Variants in LHX8 observed in about 807,000 individuals in gnomAD.
LHX8 encodes LIM/homeobox protein Lhx8.
A neutral mutation model predicts 40.3 loss-of-function variants in LHX8; 12 were observed. The ratio of observed to expected loss-of-function variants is 0.30; its 90% CI spans 0.19 to 0.48. The LOEUF is 0.48. LHX8 is among the 20% of genes least tolerant of loss of function. The probability of loss-of-function intolerance (pLI) is 0.99; values close to 1 mark genes in which losing one functional copy is unlikely to be tolerated. For missense variants in LHX8, 344 were observed against 433.7 expected (o/e 0.79, Z 1.84); for synonymous variants, 179 against 162.0 (o/e 1.10, Z -0.80).
intron 7 of LHX8, among the ~76,000 whole-genome samples, chr1:75,150,851 A>G (rs1648588351): frequency 6.6e-6 from 1 of 151,620 alleles, no homozygotes; most frequent in East Asian, 1.9e-4. Context: ...TAATTTTTGT[A>G]TTTTTAGTAG....
At chr1:75,153,486 C>T (rs1246483410) in intron 7 of LHX8, among the ~76,000 whole-genome samples, 2 of 149,316 alleles carry the variant, frequency 1.3e-5, no homozygotes, top group Non-Finnish European at 3.0e-5. Context: ...AGTCTCAGCT[C>T]ACTGCAACCT....
downstream of LHX8, among the ~76,000 whole-genome samples, chr1:75,165,342 T>G (rs1198006043): frequency 6.6e-6 from 1 of 152,172 alleles, no homozygotes; most frequent in Non-Finnish European, 1.5e-5. Context: ...CCAGATTATT[T>G]TTATAAATGT....
At chr1:75,141,285 T>C (rs1217183336) in intron 4 of LHX8, among the ~76,000 whole-genome samples, 179 bp downstream of exon 4, 1 of 152,190 alleles carries the variant, frequency 6.6e-6, no homozygotes, top group Non-Finnish European at 1.5e-5. Flanking sequence ...TAAGCATGTT[T>C]ATCCTTTTTG....
chr1:75,145,301 A>G (rs1391915556), intron 6 of LHX8, among the ~76,000 whole-genome samples: 2 of 152,140 alleles, frequency 1.3e-5, no homozygotes, highest in Non-Finnish European at 2.9e-5. Context: ...TAGTTAAAAT[A>G]GAATCTCTAA....
At chr1:75,164,747 AG>A (rs2100372049), downstream of LHX8, among the ~76,000 whole-genome samples, 1 of 139,080 alleles carries the variant, frequency 7.2e-6, no homozygotes, top group Non-Finnish European at 1.5e-5. Context: ...TTTTTTTTCC[AG>A]GCAGAGCCTC....
intron 7 of LHX8, among the ~76,000 whole-genome samples, chr1:75,156,083 A>T (rs2100360052): frequency 6.7e-6 from 1 of 149,712 alleles, no homozygotes; most frequent in Admixed American, 6.7e-5. Context: ...AACCAAGGAG[A>T]TTTCTCTGGA....
chr1:75,175,127 C>A, the LHX8 span, among the ~76,000 whole-genome samples: 4 of 152,206 alleles, frequency 2.6e-5, no homozygotes, highest in African/African-American at 7.2e-5. Context: ...CAGGTTGCAG[C>A]AAATGTCATT....
upstream of LHX8, among the ~76,000 whole-genome samples, chr1:75,129,615 A>G (rs940635592): frequency 6.6e-6 from 1 of 152,304 alleles, no homozygotes; most frequent in Non-Finnish European, 1.5e-5. Context: ...AAGCCTGTGA[A>G]TAGGAGGCTC....
At chr1:75,161,690 A>G (rs1021588578), downstream of LHX8, among the ~76,000 whole-genome samples, 1 of 152,104 alleles carries the variant, frequency 6.6e-6, no homozygotes, top group African/African-American at 2.4e-5. Flanking sequence ...AACACAGTAA[A>G]ACATTTAATT....
At chr1:75,183,793 A>C in the LHX8 span, among the ~76,000 whole-genome samples, 1 of 152,246 alleles carries the variant, frequency 6.6e-6, no homozygotes, top group East Asian at 1.9e-4. Context: ...CTTTGAATAT[A>C]AATGGGCTAA....
the LHX8 span, among the ~76,000 whole-genome samples, chr1:75,173,629 G>A: frequency 5.9e-5 from 9 of 151,932 alleles, no homozygotes; most frequent in African/African-American, 1.7e-4. Flanking sequence ...TGATCTGCCC[G>A]CCTCGGCCTC....
chr1:75,195,072 A>G, the LHX8 span, among the ~76,000 whole-genome samples: 1 of 152,220 alleles, frequency 6.6e-6, no homozygotes, highest in Admixed American at 6.5e-5. Context: ...TGGGAGAAAG[A>G]AAACTACATA....
the LHX8 span, among the ~76,000 whole-genome samples, chr1:75,169,005 C>G: frequency 9.2e-5 from 14 of 152,270 alleles, no homozygotes; most frequent in East Asian, 2.5e-3. Flanking sequence ...GTGTTTAAAA[C>G]CTAAATTAGA....
chr1:75,169,661 C>G, the LHX8 span, among the ~76,000 whole-genome samples: 1 of 152,200 alleles, frequency 6.6e-6, no homozygotes, highest in Non-Finnish European at 1.5e-5. Context: ...AATATTTAAA[C>G]TATCACTGAG....
At chr1:75,169,684 ACTGTTGATTTCC>A in the LHX8 span, among the ~76,000 whole-genome samples, 1 of 152,128 alleles carries the variant, frequency 6.6e-6, no homozygotes, top group African/African-American at 2.4e-5. Context: ...ATCCCAATGA[ACTGTTGATTTCC>A]CCTGCATACT....
At chr1:75,128,897 C>G (rs1288510159) in intron 1 of LHX8, among the ~76,000 whole-genome samples, 1 of 152,170 alleles carries the variant, frequency 6.6e-6, no homozygotes, top group African/African-American at 2.4e-5. Context: ...CTCTGCAGCC[C>G]AGGGAGGTGC....
the LHX8 span, among the ~76,000 whole-genome samples, chr1:75,179,624 G>A: frequency 6.7e-6 from 1 of 149,938 alleles, no homozygotes; most frequent in Non-Finnish European, 1.5e-5. Context: ...CACTCTTGAT[G>A]GGTCTTAACT....
chr1:75,147,192 T>C (rs1242579008), intron 6 of LHX8, among the ~76,000 whole-genome samples: 1 of 152,208 alleles, frequency 6.6e-6, no homozygotes, highest in East Asian at 1.9e-4. Flanking sequence ...AGTGAGTCTG[T>C]AGATACAATA....
chr1:75,153,243 C>T lies in LHX8; in HGVS notation c.781-3650C>T, dbSNP rs752660504. On this transcript the variant is annotated intron_variant, in intron 7 of 8. Coordinates refer to ENST00000356261, the MANE Select transcript of LHX8 (RefSeq NM_001256114.2). Reference sequence around the variant, plus strand: ...GCATCAGCCTTCTGAGTAGCTGGGACTACAGGTGCGTGATACCACACGCAG... The same window carrying T: ...GCATCAGCCTTCTGAGTAGCTGGGATTACAGGTGCGTGATACCACACGCAG... Among the ~76,000 whole-genome samples the T allele has an allele frequency of 8.7e-4, 133 of 152,022 alleles. 2 individuals are homozygous for T. The highest frequency in any genetic ancestry group is 3.4e-4 in the Non-Finnish European group (23 of 67,988).
Sources: gnomAD v4.1 joint callset for allele counts (sites outside exome capture counted in the v4.1 genomes callset) on GRCh38, gnomAD v4.1.1 for gene constraint, MANE v1.5 for transcripts, NCBI Gene and HGNC (gene_info 2026-07-23, HGNC 2026-07-21) for gene names.